WNT9A: variants seen among roughly 807,000 people sequenced by gnomAD.
The protein encoded by WNT9A is protein Wnt-9a.
A neutral mutation model predicts 31.4 loss-of-function variants in WNT9A; 8 were observed. The observed-to-expected ratio is 0.26, with a 90% CI of 0.15 to 0.46. WNT9A has a LOEUF of 0.46. Among genes scored for constraint, WNT9A ranks in the 20% least tolerant of loss-of-function variants. The pLI, the probability that WNT9A is intolerant of heterozygous loss-of-function variation, is 0.99. For missense variants in WNT9A, 457 were observed against 522.9 expected, an observed-to-expected ratio of 0.87 and a Z score of 1.23; for synonymous variants, 236 against 220.1, an observed-to-expected ratio of 1.07 and a Z score of -0.64.
intron 1 of WNT9A, among the ~76,000 whole-genome samples, chr1:227,939,791 G>A (rs1241766503): frequency 4.6e-5 from 7 of 152,168 alleles, no homozygotes; most frequent in Admixed American, 1.3e-4. Flanking sequence ...GCCAGACAGC[G>A]TTTAATTTCT....
Position 227,942,088 on chromosome 1 carries a change from C to G in WNT9A, c.95+5705G>C, listed in dbSNP as rs1047822447. On this transcript the variant is annotated intron_variant, in intron 1 of 3. Coordinates refer to ENST00000272164, the MANE Select transcript of WNT9A (RefSeq NM_003395.4). This position sits in a 1 kb window ranked among gnomAD's most constrained non-coding sequence, Gnocchi z 5.7. The stretch of plus-strand genomic sequence containing the variant: ...GCAGGGCACCCCCAGCCCGGGCCAC[C>G]CCAGCAGCCGGCGGAAGGTCCCAGG... 6.6e-6 allele frequency among the ~76,000 whole-genome samples: 1 copy of G among 152,156 alleles called. No homozygotes were observed. Among genetic ancestry groups the G allele is most frequent in the African/African-American group, 2.4e-5 (1 of 41,438 alleles).
At chr1:227,930,588 A>G (rs776626338) in intron 1 of WNT9A, among the ~76,000 whole-genome samples, 3 of 152,200 alleles carry the variant, frequency 2.0e-5, no homozygotes, top group Non-Finnish European at 4.4e-5. Flanking sequence ...GTTTGCATAA[A>G]GGTGGCAGCC....
rs1241843111 is a variant in WNT9A, at chr1:227,925,571, C to G, written c.96-52G>C. On this transcript the variant is annotated intron_variant, in intron 1 of 3. Transcript: ENST00000272164. This position sits in a 1 kb window ranked among gnomAD's most constrained non-coding sequence, Gnocchi z 6.0. Reference sequence around the variant, plus strand: ...CCGGCCCCAGGAAGCCCTGCTGGAGCCTGGCCAGGTGTCTCGGTGGCCAGG... The same window carrying G: ...CCGGCCCCAGGAAGCCCTGCTGGAGGCTGGCCAGGTGTCTCGGTGGCCAGG... 6.9e-7 allele frequency: 1 copy of G among 1,455,300 alleles called. No individual in the cohort carries two copies. Among genetic ancestry groups the G allele is most frequent in the Non-Finnish European group, 9.0e-7 (1 of 1,107,180 alleles). The allele number at this position is 1,455,300 out of a possible 1,614,324, so 90.1% of individuals were successfully genotyped here.
At chr1:227,946,512 A>G (rs887169734) in intron 1 of WNT9A, among the ~76,000 whole-genome samples, 2 of 152,206 alleles carry the variant, frequency 1.3e-5, no homozygotes, top group African/African-American at 2.4e-5. Flanking sequence ...GTGGCGTGCC[A>G]GCCCAGGCCC....
chr1:227,927,302 AG>A (rs1666435198), intron 1 of WNT9A, among the ~76,000 whole-genome samples: 1 of 152,128 alleles, frequency 6.6e-6, no homozygotes, highest in South Asian at 2.1e-4. Flanking sequence ...GAGGAGCCCA[AG>A]GGCCCTTCTA....
intron 1 of WNT9A, among the ~76,000 whole-genome samples, chr1:227,930,428 C>T (rs1666490453): frequency 6.6e-6 from 1 of 152,206 alleles, no homozygotes; most frequent in Admixed American, 6.5e-5. Flanking sequence ...ATCCAGAATC[C>T]ATGGAACTCG....
chr1:227,921,959 G>A lies in WNT9A; in HGVS notation c.657C>T (p.Gly219=), dbSNP rs376445189. The change falls in exon 4 of 4, where the codon GGC becomes GGT. Residue 219 remains glycine, a synonymous_variant. Transcript: ENST00000272164. ...TCCGCACCGTGCATGAGCCTGACAC[G>A]CCGTGGCACTTGCAGGTGGTCTCCA... ...AGVETTCKCH[G]VSGSCTVRTC... 28 of 1,612,150 alleles carry A rather than the reference G, an allele frequency of 1.7e-5. No homozygotes were observed. In the East Asian group the frequency reaches 2.0e-4, roughly 12 times the overall value.
intron 1 of WNT9A, among the ~76,000 whole-genome samples, chr1:227,943,180 CTCT>C (rs1666736069): frequency 6.6e-6 from 1 of 152,222 alleles, no homozygotes. Context: ...CCGCAGCCTC[CTCT>C]TGAGAGTCCC....
intron 3 of WNT9A, 76 bp downstream of exon 3, chr1:227,924,062 T>TGCCCCCC: frequency 1.3e-5 from 3 of 234,960 alleles, no homozygotes; most frequent in Non-Finnish European, 6.3e-6. Context: ...CCGCCCCCAG[T>TGCCCCCC]CCCACGCCCC....
chr1:227,942,521 G>A lies in WNT9A; in HGVS notation c.95+5272C>T, dbSNP rs1367547776. 1.3e-5 allele frequency among the ~76,000 whole-genome samples: 2 copies of A among 152,076 alleles called. No homozygotes were observed. Among genetic ancestry groups the A allele is most frequent in the Admixed American group, 6.5e-5 (1 of 15,288 alleles). On this transcript the variant is annotated intron_variant, in intron 1 of 3. Transcript: ENST00000272164. This position sits in a 1 kb window ranked among gnomAD's most constrained non-coding sequence, Gnocchi z 5.7. ...AATGCCCCGACTTTCCACTGGCCCTGTCCTCTCCTCTCCATGCTAAGAAGT... is the reference window on the plus strand; with the variant it reads ...AATGCCCCGACTTTCCACTGGCCCTATCCTCTCCTCTCCATGCTAAGAAGT...
intron 1 of WNT9A, among the ~76,000 whole-genome samples, chr1:227,940,318 A>G (rs1444665172): frequency 6.6e-6 from 1 of 152,176 alleles, no homozygotes; most frequent in Non-Finnish European, 1.5e-5. Context: ...AAAGGTGAAG[A>G]GCAGAAGCTT....
At chr1:227,922,201 C>G (rs1485423775) in intron 3 of WNT9A, among the ~76,000 whole-genome samples, 2 of 152,224 alleles carry the variant, frequency 1.3e-5, no homozygotes, top group Non-Finnish European at 2.9e-5. Flanking sequence ...AGGCTGCCGA[C>G]TGCCCAAGAC....
At chr1:227,940,067 C>T (rs190322344) in intron 1 of WNT9A, among the ~76,000 whole-genome samples, 1 of 152,320 alleles carries the variant, frequency 6.6e-6, no homozygotes, top group Admixed American at 6.5e-5. Context: ...GAGAAACACC[C>T]CCCTCCACCC....
rs778286261 is a variant in WNT9A, at chr1:227,924,210, T to C, written c.543A>G (p.Glu181=). 6.5e-7 allele frequency: 1 copy of C among 1,540,804 alleles called. No homozygotes were observed. Among genetic ancestry groups the C allele is most frequent in the Admixed American group, 1.7e-5 (1 of 57,394 alleles). Residue 181 remains glutamate (E), a synonymous_variant, in exon 3 of 4, where the codon GAA becomes GAG. Transcript: ENST00000272164. ...CCTTGCTTGACCGTCTGCCCAGGAA[T>C]TCCTTGACGAACTTGCTGCTGTACT... The part of the protein sequence containing the change: ...NLKYSSKFVK[E]FLGRRSSKDL...
chr1:227,936,586 C>T (rs1417463517), intron 1 of WNT9A, among the ~76,000 whole-genome samples: 8 of 150,838 alleles, frequency 5.3e-5, no homozygotes, highest in Non-Finnish European at 1.0e-4. Context: ...CCACCCACCG[C>T]AGCCTCACAA....
In WNT9A at chr1:227,919,478, A is replaced by G. The variant is rs1343867603; in HGVS notation, c.*2040T>C. ...CATAAATAGGTTTTCTTTTAAAAAC[A>G]CAGACACCCCGGCTTTCTGGAGACC... On this transcript the variant is annotated 3_prime_UTR_variant, in exon 4 of 4. Coordinates refer to ENST00000272164, the MANE Select transcript of WNT9A (RefSeq NM_003395.4). 6.6e-6 allele frequency: 1 copy of G among 152,170 alleles called. No homozygotes were observed. Among genetic ancestry groups the G allele is most frequent in the Non-Finnish European group, 1.5e-5 (1 of 68,028 alleles). The allele number at this position is 152,170 out of a possible 1,614,324, so 9.4% of individuals were successfully genotyped here.
intron 3 of WNT9A, 48 bp from the exon 4 acceptor site, chr1:227,922,048 G>A (rs763704452): frequency 1.9e-6 from 3 of 1,554,946 alleles, no homozygotes; most frequent in South Asian, 2.5e-5. Flanking sequence ...CTGTGCAGGT[G>A]GGCCCAGTGA....
chr1:227,932,521 T>C (rs1666530135), intron 1 of WNT9A, among the ~76,000 whole-genome samples: 1 of 152,176 alleles, frequency 6.6e-6, no homozygotes, highest in South Asian at 2.1e-4. Context: ...CCACGAATCA[T>C]GAATGTTTTT....
rs1186224303 is a variant in WNT9A, at chr1:227,942,439, G to A, written c.95+5354C>T. Among the ~76,000 whole-genome samples the A allele has an allele frequency of 6.6e-6, 1 of 152,152 alleles. No individual in the cohort carries two copies. Among genetic ancestry groups the A allele is most frequent in the African/African-American group, 2.4e-5 (1 of 41,438 alleles). On this transcript the variant is annotated intron_variant, in intron 1 of 3. Transcript: ENST00000272164. This position sits in a 1 kb window ranked among gnomAD's most constrained non-coding sequence, Gnocchi z 5.7. Reference sequence around the variant, plus strand: ...CACTTACGGCCCCACTGTCAGGGAAGCCAAGCACCTGGGTCCCTCTACTGG... The same window carrying A: ...CACTTACGGCCCCACTGTCAGGGAAACCAAGCACCTGGGTCCCTCTACTGG...
Sources: allele counts gnomAD v4.1 joint callset (sites outside exome capture counted in the v4.1 genomes callset), GRCh38; gene constraint gnomAD v4.1.1; non-coding constraint Gnocchi (gnomAD v3.1); transcripts MANE v1.5; gene names NCBI Gene and HGNC (gene_info 2026-07-23, HGNC 2026-07-21).